Variants in SCG5 observed in about 807,000 individuals in gnomAD.
The protein encoded by SCG5 is secretogranin V, also known as neuroendocrine protein 7B2.
Under a neutral mutation model 25.7 loss-of-function variants are expected in SCG5, and 18 were observed. That is an observed-to-expected ratio of 0.70 (90% CI 0.48 to 1.04). The LOEUF (loss-of-function observed/expected upper bound fraction) is 1.04. Ranked by LOEUF, SCG5 falls within the 50% of genes least tolerant of loss-of-function variation. The pLI is 0.00. For missense variants in SCG5, 206 were observed against 259.8 expected (o/e 0.79, Z 1.42); for synonymous variants, 101 against 91.7 (o/e 1.10, Z -0.58).
chr15:32,648,282 C>G lies in SCG5; in HGVS notation c.226+4464C>G, dbSNP rs556196674. On this transcript the variant is annotated intron_variant, in intron 2 of 5. Coordinates refer to ENST00000300175, the MANE Select transcript of SCG5 (RefSeq NM_001144757.3). The stretch of plus-strand genomic sequence containing the variant: ...CAATTTCCTGTCTGCTTCTCTCTAG[C>G]TCTACTCCAAACACCCTGGTCCAAG... Among the ~76,000 whole-genome samples, 16 of 152,300 alleles carry G rather than the reference C, an allele frequency of 1.1e-4. No individual in the cohort carries two copies. In the South Asian group the frequency reaches 3.1e-3, roughly 30 times the overall value.
chr15:32,673,429 A>G (rs11634086), intron 2 of SCG5, among the ~76,000 whole-genome samples: 59,065 of 151,794 alleles, frequency 0.39, 12,500 homozygotes, highest in Middle Eastern at 0.52. Context: ...TGGCTCATGG[A>G]CCAGCAGCAT....
intron 3 of SCG5, among the ~76,000 whole-genome samples, chr15:32,680,410 G>A (rs944574277): frequency 1.3e-4 from 19 of 151,922 alleles, no homozygotes; most frequent in Non-Finnish European, 2.5e-4. Flanking sequence ...GTGTTAGCCA[G>A]GATGGTCTCA....
chr15:32,643,629 C>T lies in SCG5; in HGVS notation c.37C>T (p.Leu13=). 1 of 1,613,956 alleles carries T rather than the reference C, an allele frequency of 6.2e-7. No homozygotes were observed. The highest frequency in any genetic ancestry group is 8.5e-7 in the Non-Finnish European group (1 of 1,179,870). ...SRMVSTMLSG[L]LFWLASGWTP... is the part of the protein sequence containing the mutation. ...GATGGTCTCTACCATGCTATCTGGCCTACTGTTTTGGCTGGCATCTGGATG... is the reference window on the plus strand; with the variant it reads ...GATGGTCTCTACCATGCTATCTGGCTTACTGTTTTGGCTGGCATCTGGATG... The change falls in exon 2 of 6, where the codon CTA becomes TTA. Residue 13 remains leucine, a synonymous_variant. Transcript: ENST00000300175.
intron 2 of SCG5, among the ~76,000 whole-genome samples, chr15:32,671,519 C>T (rs1051393561): frequency 6.6e-6 from 1 of 152,136 alleles, no homozygotes; most frequent in South Asian, 2.1e-4. Flanking sequence ...CCTGCTCTTT[C>T]TCTTTGCCTC....
At chr15:32,681,988 C>T (rs2054628278) in intron 3 of SCG5, among the ~76,000 whole-genome samples, 1 of 152,148 alleles carries the variant, frequency 6.6e-6, no homozygotes, top group Non-Finnish European at 1.5e-5. Flanking sequence ...GAATCCCTGC[C>T]TGGCTCTAAT....
intron 2 of SCG5, among the ~76,000 whole-genome samples, chr15:32,653,782 GATTTAAAT>G (rs1036387921): frequency 1.3e-5 from 2 of 152,148 alleles, no homozygotes; most frequent in African/African-American, 4.8e-5. Context: ...AAAGTTCACT[GATTTAAAT>G]ATTACTCACT....
intron 2 of SCG5, among the ~76,000 whole-genome samples, chr15:32,650,956 G>C (rs1176976866): frequency 6.6e-6 from 1 of 152,216 alleles, no homozygotes; most frequent in African/African-American, 2.4e-5. Context: ...CCAGCACTTT[G>C]GGAGGCCGAG....
intron 2 of SCG5, among the ~76,000 whole-genome samples, chr15:32,651,630 T>G (rs1488335609): frequency 1.3e-5 from 2 of 152,250 alleles, no homozygotes. Context: ...CATCTATGAA[T>G]GGACTGGGAC....
rs570292253 is a variant in SCG5, at chr15:32,681,489, T to TTC, written c.376+1575_376+1576insCT. ...ACTTTTTTTCTTTTTCTTTTTCTTT[T>TTC]TTTTTTTTTTGAGATAGGGTCTTAC... On this transcript the variant is annotated intron_variant, in intron 3 of 5. Coordinates refer to ENST00000300175, the MANE Select transcript of SCG5 (RefSeq NM_001144757.3). Among the ~76,000 whole-genome samples, 318 of 151,046 alleles carry TTC rather than the reference T, an allele frequency of 2.1e-3. 3 individuals carry two copies. The highest frequency in any genetic ancestry group is 6.6e-4 in the Non-Finnish European group (45 of 67,742).
At chr15:32,676,151 G>A (rs1174544984) in intron 2 of SCG5, among the ~76,000 whole-genome samples, 1 of 152,174 alleles carries the variant, frequency 6.6e-6, no homozygotes, top group South Asian at 2.1e-4. Flanking sequence ...GCAAAGGACA[G>A]CATTTTTTAC....
chr15:32,664,887 G>A (rs2054293742), intron 2 of SCG5, among the ~76,000 whole-genome samples: 1 of 152,194 alleles, frequency 6.6e-6, no homozygotes, highest in Non-Finnish European at 1.5e-5. Context: ...AGGAGATGAG[G>A]CACAAAGGCA....
At chr15:32,679,191 C>A (rs943130487) in intron 2 of SCG5, among the ~76,000 whole-genome samples, 31 of 103,928 alleles carry the variant, frequency 3.0e-4, no homozygotes, top group Admixed American at 5.2e-4. Context: ...CTTTCCCATG[C>A]TCTTTTTTTT....
chr15:32,681,266 A>AT (rs2054615490), intron 3 of SCG5, among the ~76,000 whole-genome samples: 1 of 152,126 alleles, frequency 6.6e-6, no homozygotes, highest in Non-Finnish European at 1.5e-5. Context: ...AAAAACTGCA[A>AT]TACTTTTGCA....
In SCG5 at chr15:32,684,618, G is replaced by A; in HGVS notation, c.438G>A (p.Leu146=). 1.9e-6 allele frequency: 3 copies of A among 1,613,878 alleles called. No individual in the cohort carries two copies. The highest frequency in any genetic ancestry group is 1.7e-6 in the Non-Finnish European group (2 of 1,179,838). The change falls in exon 4 of 6, where the codon TTG becomes TTA. Residue 146 remains leucine, a synonymous_variant. Coordinates refer to ENST00000300175, the MANE Select transcript of SCG5 (RefSeq NM_001144757.3). ...DTAEFSREFQ[L]HQHLFDPEHD... is the part of the protein sequence containing the mutation. ...CAGAGTTCAGTCGAGAGTTCCAGTT[G>A]CACCAGCATCTCTTTGATCCGGAAC...
At chr15:32,660,754 G>A (rs970071682) in intron 2 of SCG5, among the ~76,000 whole-genome samples, 31 of 152,174 alleles carry the variant, frequency 2.0e-4, no homozygotes, top group African/African-American at 7.0e-4. Context: ...TTTTCACCTC[G>A]ATTACCCCTA....
intron 2 of SCG5, among the ~76,000 whole-genome samples, chr15:32,676,410 C>T (rs899798588): frequency 3.3e-5 from 5 of 152,220 alleles, no homozygotes; most frequent in African/African-American, 1.2e-4. Flanking sequence ...GACACGCATT[C>T]TGCCTTGAGC....
chr15:32,658,315 T>A (rs2054159761), intron 2 of SCG5, among the ~76,000 whole-genome samples: 2 of 151,774 alleles, frequency 1.3e-5, no homozygotes, highest in Admixed American at 6.6e-5. Flanking sequence ...TATATGTGGA[T>A]CAGGCAGTCA....
rs912309501 is a variant in SCG5 at position 32,660,286 on chromosome 15, G to A, written c.226+16468G>A. Among the ~76,000 whole-genome samples the A allele has an allele frequency of 6.4e-4, 97 of 152,296 alleles. 1 individual carries two copies. The highest frequency in any genetic ancestry group is 2.2e-3 in the African/African-American group (92 of 41,572). ...AGCTTGCTCTCAGCTTGCCAGATCC[G>A]TGACTCTGACGAGAGAGTTATCAGT... On this transcript the variant is annotated intron_variant, in intron 2 of 5. Coordinates refer to ENST00000300175, the MANE Select transcript of SCG5 (RefSeq NM_001144757.3).
At chr15:32,694,631 G>A (rs568834434) in intron 5 of SCG5, among the ~76,000 whole-genome samples, 24 of 152,300 alleles carry the variant, frequency 1.6e-4, no homozygotes, top group Non-Finnish European at 1.5e-5. Flanking sequence ...CACTGTAATT[G>A]ATAAAAGGAA....
Sources: gnomAD v4.1 joint callset for allele counts (sites outside exome capture counted in the v4.1 genomes callset) on GRCh38, gnomAD v4.1.1 for gene constraint, MANE v1.5 for transcripts, NCBI Gene and HGNC (gene_info 2026-07-23, HGNC 2026-07-21) for gene names.